The following UBE2D2 variants were observed in gnomAD, a reference collection of about 807,000 sequenced individuals.
UBE2D2 encodes the protein ubiquitin-conjugating enzyme E2 D2.
A neutral mutation model predicts 24.2 loss-of-function variants in UBE2D2; 2 were observed. That is an observed-to-expected ratio of 0.08 (90% CI 0.03 to 0.26). The LOEUF (loss-of-function observed/expected upper bound fraction) is 0.26. UBE2D2 is among the 10% of genes least tolerant of loss of function. The pLI is 1.00. For missense variants in UBE2D2, 44 were observed against 177.6 expected (o/e 0.25, Z 4.28); for synonymous variants, 58 against 56.5 (o/e 1.03, Z -0.12).
chr5:139,612,057 G>GT (rs1754333041), intron 2 of UBE2D2: 1 of 150,120 alleles, frequency 6.7e-6, no homozygotes, highest in South Asian at 1.9e-4. Flanking sequence ...TGGCATACTT[G>GT]TTACATATTT....
chr5:139,562,373 T>A, intron 1 of UBE2D2: 1 of 1,332,022 alleles, frequency 7.5e-7, no homozygotes, highest in Non-Finnish European at 9.9e-7. Context: ...GTCCAGAAAC[T>A]GTTAAGAGTT....
At chr5:139,544,630 C>T (rs1752801433) in intron 1 of UBE2D2, among the ~76,000 whole-genome samples, 1 of 151,718 alleles carries the variant, frequency 6.6e-6, no homozygotes. Context: ...CACACACACA[C>T]ACCCCAAAAT....
rs1435888598 is a variant in UBE2D2 at position 139,627,641 on chromosome 5, C to T, written c.*840C>T. On this transcript the variant is annotated 3_prime_UTR_variant, in exon 7 of 7. Transcript: ENST00000398733. ...ATTGCTCCTCTGGAGCTTGTACTTT[C>T]AAGAATGATTAATCTGTGTAATAAA... 2 of 152,624 alleles carry T rather than the reference C, an allele frequency of 1.3e-5. No individual in the cohort carries two copies. Among genetic ancestry groups the T allele is most frequent in the Non-Finnish European group, 2.9e-5 (2 of 68,040 alleles). 9.5% of individuals were successfully genotyped at this position (152,624 alleles called of 1,614,324 possible).
At chr5:139,535,290 C>T (rs867647480) in intron 1 of UBE2D2, among the ~76,000 whole-genome samples, 1 of 76,510 alleles carries the variant, frequency 1.3e-5, no homozygotes, top group Admixed American at 1.4e-4. Flanking sequence ...ACTAAAAATA[C>T]AAAAAAAAAA....
chr5:139,561,423 C>T lies in UBE2D2; in HGVS notation c.-369C>T, dbSNP rs1005259527. On this transcript the variant is annotated 5_prime_UTR_variant, in exon 1 of 7. Transcript: ENST00000398733. ...GGAGGAAGACAGGCAATCCCTCCGG[C>T]TGTCCGACCAAGAGAGGCCGGCCGA... 6 of 228,574 alleles carry T rather than the reference C, an allele frequency of 2.6e-5. No individual in the cohort carries two copies. The highest frequency in any genetic ancestry group is 4.3e-5 in the Non-Finnish European group (5 of 117,232). The allele number at this position is 228,574 out of a possible 1,614,324, so 14.2% of individuals were successfully genotyped here.
intron 2 of UBE2D2, among the ~76,000 whole-genome samples, chr5:139,603,625 A>G (rs1754130082): frequency 2.0e-5 from 2 of 97,780 alleles, no homozygotes; most frequent in Non-Finnish European, 2.3e-5. Context: ...CTGTCTCCGA[A>G]AAAAAAAAAA....
At chr5:139,594,386 TTTAA>T (rs1240636827) in intron 1 of UBE2D2, among the ~76,000 whole-genome samples, 2 of 152,144 alleles carry the variant, frequency 1.3e-5, no homozygotes, top group Non-Finnish European at 2.9e-5. Context: ...AGTGTTCTAC[TTTAA>T]TTATCTGTTT....
At chr5:139,570,369 C>T (rs1483355156) in intron 1 of UBE2D2, among the ~76,000 whole-genome samples, 5 of 152,148 alleles carry the variant, frequency 3.3e-5, no homozygotes, top group Non-Finnish European at 7.4e-5. Flanking sequence ...AACGGAGTCT[C>T]TACCTCTGTC....
chr5:139,534,087 AC>A (rs1167092209), intron 1 of UBE2D2, among the ~76,000 whole-genome samples: 1 of 151,052 alleles, frequency 6.6e-6, no homozygotes, highest in Non-Finnish European at 1.5e-5. Flanking sequence ...GGCAAAAAAA[AC>A]ATTTTTTTTT....
At chr5:139,527,510 A>C (rs1317527449) in intron 1 of UBE2D2, among the ~76,000 whole-genome samples, 1 of 152,252 alleles carries the variant, frequency 6.6e-6, no homozygotes, top group South Asian at 2.1e-4. Flanking sequence ...TATTATGGTA[A>C]CTTCTAATCT....
At chr5:139,533,300 C>T (rs537670862) in intron 1 of UBE2D2, among the ~76,000 whole-genome samples, 17 of 151,662 alleles carry the variant, frequency 1.1e-4, no homozygotes, top group Non-Finnish European at 2.2e-4. Context: ...GAATTGTACA[C>T]CTAAAATGAA....
At chr5:139,536,348 C>T (rs572667696) in intron 1 of UBE2D2, among the ~76,000 whole-genome samples, 3 of 151,762 alleles carry the variant, frequency 2.0e-5, no homozygotes, top group Admixed American at 6.6e-5. Context: ...ATCCGCCCGC[C>T]TCCGCCTCCC....
At chr5:139,538,401 G>A (rs1048732136) in intron 1 of UBE2D2, among the ~76,000 whole-genome samples, 1 of 152,150 alleles carries the variant, frequency 6.6e-6, no homozygotes, top group African/African-American at 2.4e-5. Flanking sequence ...CAGATGAAGG[G>A]ATAAACACAA....
chr5:139,528,112 C>T (rs1752561013), intron 1 of UBE2D2, among the ~76,000 whole-genome samples: 1 of 152,356 alleles, frequency 6.6e-6, no homozygotes, highest in East Asian at 1.9e-4. Context: ...CACTTCGTGT[C>T]TCTCACGGCA....
chr5:139,541,285 G>A (rs1359775758), intron 1 of UBE2D2, among the ~76,000 whole-genome samples: 3 of 136,204 alleles, frequency 2.2e-5, no homozygotes, highest in Non-Finnish European at 4.8e-5. Flanking sequence ...GCCACAAAGT[G>A]AGACTCTGTT....
chr5:139,580,796 T>C (rs533940316), intron 1 of UBE2D2, among the ~76,000 whole-genome samples: 1 of 152,266 alleles, frequency 6.6e-6, no homozygotes, highest in Admixed American at 6.5e-5. Flanking sequence ...TGGCATGTGC[T>C]GGTAGTCTCA....
At chr5:139,533,283 A>C (rs1329738083) in intron 1 of UBE2D2, among the ~76,000 whole-genome samples, 1 of 152,054 alleles carries the variant, frequency 6.6e-6, no homozygotes, top group Non-Finnish European at 1.5e-5. Context: ...TTGAAAAAAA[A>C]ATCATTGAAT....
intron 1 of UBE2D2, among the ~76,000 whole-genome samples, chr5:139,549,413 G>A (rs566223179): frequency 2.0e-5 from 3 of 152,336 alleles, no homozygotes; most frequent in Admixed American, 6.5e-5. Context: ...CCGGGTGCGC[G>A]GGGTCTTGGC....
intron 5 of UBE2D2, among the ~76,000 whole-genome samples, chr5:139,622,245 A>T (rs355152): frequency 0.06 from 9,151 of 151,722 alleles, 317 homozygotes; most frequent in South Asian, 0.11. Flanking sequence ...ATTTTTTATT[A>T]TAATTATTAT....
Sources: allele counts gnomAD v4.1 joint callset (sites outside exome capture counted in the v4.1 genomes callset), GRCh38; gene constraint gnomAD v4.1.1; transcripts MANE v1.5; gene names NCBI Gene and HGNC (gene_info 2026-07-23, HGNC 2026-07-21).